Variants in TMEM63C observed in about 807,000 individuals in gnomAD.
The protein encoded by TMEM63C is transmembrane protein 63C.
TMEM63C carries 32 observed loss-of-function variants against 99.2 expected under a neutral mutation model. That is an observed-to-expected ratio of 0.32 (90% CI 0.24 to 0.43). The LOEUF is 0.43. Among genes scored for constraint, TMEM63C ranks in the 20% least tolerant of loss-of-function variants. The pLI, the probability that TMEM63C is intolerant of heterozygous loss-of-function variation, is 1.00. For missense variants in TMEM63C, 826 were observed against 1,053.0 expected (o/e 0.78, Z 2.98); for synonymous variants, 376 against 397.9 (o/e 0.94, Z 0.66).
At chr14:77,194,348 G>A (rs1482741624) in intron 1 of TMEM63C, among the ~76,000 whole-genome samples, 3 of 101,324 alleles carry the variant, frequency 3.0e-5, no homozygotes, top group African/African-American at 4.6e-5. Context: ...GTGTGTGTGT[G>A]TGTGTGTGTG....
intron 2 of TMEM63C, among the ~76,000 whole-genome samples, chr14:77,215,969 A>G (rs570093800): frequency 6.6e-6 from 1 of 152,228 alleles, no homozygotes; most frequent in Non-Finnish European, 1.5e-5. Context: ...TTCTCTCTGG[A>G]GCCTATTCCA....
rs146589957 is a variant in TMEM63C, at chr14:77,243,158, G to C, written c.1341+102G>C. ...GAGCCCCCTGGGAGGGGGCTGTGGA[G>C]CCCATACAGTGCGAACATTGTGGAG... On this transcript the variant is annotated intron_variant, in intron 15 of 23. Transcript: ENST00000298351. 5.2e-5 allele frequency: 71 copies of C among 1,376,146 alleles called. No individual in the cohort carries two copies. In the African/African-American group the frequency reaches 9.3e-4, roughly 18 times the overall value. The allele number at this position is 1,376,146 out of a possible 1,614,324, so 85.2% of individuals were successfully genotyped here.
chr14:77,221,458 CCCTCCCACTCACG>C lies in TMEM63C; in HGVS notation c.312+1379_312+1391del, dbSNP rs1347236910. ...CCCACTCACCTCCCACTCACACCTC[CCCTCCCACTCACG>C]CCTCCCATTCACGCCTCCCCTCCTA... On this transcript the variant is annotated intron_variant, in intron 5 of 23. Transcript: ENST00000298351. Among the ~76,000 whole-genome samples, 60 of 61,026 alleles carry C rather than the reference CCCTCCCACTCACG, an allele frequency of 9.8e-4. 2 individuals are homozygous for C. The highest frequency in any genetic ancestry group is 1.5e-3 in the Non-Finnish European group (49 of 33,180). The allele number at this position is 61,026 out of a possible 152,430, so 40.0% of individuals were successfully genotyped here.
chr14:77,207,204 G>A (rs1420777969), intron 1 of TMEM63C, among the ~76,000 whole-genome samples: 1 of 152,246 alleles, frequency 6.6e-6, no homozygotes, highest in Non-Finnish European at 1.5e-5. Context: ...AGGCATCTCT[G>A]TGGGGGTCCC....
At chr14:77,203,533 A>C (rs1049025261) in intron 1 of TMEM63C, among the ~76,000 whole-genome samples, 6 of 152,212 alleles carry the variant, frequency 3.9e-5, no homozygotes, top group Non-Finnish European at 7.4e-5. Context: ...AGCATTCTCC[A>C]TGTGCCGTCT....
At position 77,236,682 on chromosome 14, in the gene TMEM63C, A is replaced by C. The variant is rs898986379; in HGVS notation, c.601A>C (p.Met201Leu). 6.2e-7 allele frequency: 1 copy of C among 1,612,600 alleles called. No homozygotes were observed. Among genetic ancestry groups the C allele is most frequent in the African/African-American group, 1.3e-5 (1 of 74,658 alleles). ...CTTCTTCTACTTCATCACCAACTTCATGTTCATGGCTCATCACTGCCTGGG... is the reference window on the plus strand; with the variant it reads ...CTTCTTCTACTTCATCACCAACTTCCTGTTCATGGCTCATCACTGCCTGGG... ...LSFFYFITNF[M>L]FMAHHCLGFA... Residue 201 changes from methionine to leucine, a missense_variant, in exon 9 of 24, where the codon ATG (methionine) becomes CTG (leucine). Met to Leu is a conservative substitution (Grantham distance 15). Transcript: ENST00000298351.
chr14:77,231,760 G>A, intron 7 of TMEM63C, 30 bp downstream of exon 7: 1 of 1,550,748 alleles, frequency 6.4e-7, no homozygotes. Context: ...CCCTGGGGCA[G>A]CAGCTGGACC....
intron 5 of TMEM63C, among the ~76,000 whole-genome samples, chr14:77,224,707 C>G (rs1241072032): frequency 1.3e-5 from 2 of 152,146 alleles, no homozygotes; most frequent in Non-Finnish European, 2.9e-5. Context: ...CGGACAGGAC[C>G]CTCAGCACAT....
At chr14:77,203,570 G>A (rs1444097750) in intron 1 of TMEM63C, among the ~76,000 whole-genome samples, 3 of 152,178 alleles carry the variant, frequency 2.0e-5, no homozygotes, top group African/African-American at 7.2e-5. Flanking sequence ...GCCTGGCCAT[G>A]CACCCATTGT....
At chr14:77,188,242 A>G (rs1218428805) in intron 1 of TMEM63C, among the ~76,000 whole-genome samples, 1 of 152,166 alleles carries the variant, frequency 6.6e-6, no homozygotes, top group Non-Finnish European at 1.5e-5. Flanking sequence ...CTTTGAGTCT[A>G]TCTCTTCTGC....
At chr14:77,248,014 C>T (rs1889293159) in intron 18 of TMEM63C, among the ~76,000 whole-genome samples, 1 of 152,184 alleles carries the variant, frequency 6.6e-6, no homozygotes, top group East Asian at 1.9e-4. Flanking sequence ...CAGAAACCCA[C>T]TCATGGATTC....
chr14:77,219,515 C>T lies in TMEM63C; in HGVS notation c.168C>T (p.Tyr56=). ...GCCTGTAGCTCGTCCTTGTGGTTTA[C>T]TCCTTCCTCCGGAAAGCTGCGTGGG... The part of the protein sequence containing the change: ...IALWVLVLVV[Y]SFLRKAAWDY... Residue 56 remains tyrosine, a synonymous_variant, in exon 4 of 24, where the codon TAC becomes TAT. Coordinates refer to ENST00000298351, the MANE Select transcript of TMEM63C (RefSeq NM_020431.4). The T allele has an allele frequency of 6.2e-7, 1 of 1,613,996 alleles. No homozygotes were observed. The highest frequency in any genetic ancestry group is 8.5e-7 in the Non-Finnish European group (1 of 1,179,900).
chr14:77,258,131 G>C lies in TMEM63C; in HGVS notation c.*1405G>C, dbSNP rs1046041304. 3.9e-5 allele frequency: 6 copies of C among 152,580 alleles called. No individual in the cohort carries two copies. The highest frequency in any genetic ancestry group is 1.4e-4 in the African/African-American group (6 of 41,470). 9.5% of individuals were successfully genotyped at this position (152,580 alleles called of 1,614,324 possible). A position where few individuals can be genotyped will look rare whatever the true frequency, so the allele number is the denominator to read the frequency against. On this transcript the variant is annotated 3_prime_UTR_variant, in exon 24 of 24. Transcript: ENST00000298351. ...CCCAGCCAGGGAGGACATGAGAAGG[G>C]CCAGTGGGGGCCTCAATGAACCAGA...
At chr14:77,187,698 G>A (rs913290076) in intron 1 of TMEM63C, among the ~76,000 whole-genome samples, 2 of 152,236 alleles carry the variant, frequency 1.3e-5, no homozygotes, top group South Asian at 2.1e-4. Flanking sequence ...GACCATCGCA[G>A]CCCTGATCTG....
rs58469877 is a variant in TMEM63C at position 77,193,978 on chromosome 14, C to T, written c.-77+12084C>T. On this transcript the variant is annotated intron_variant, in intron 1 of 23. Coordinates refer to ENST00000298351, the MANE Select transcript of TMEM63C (RefSeq NM_020431.4). ...TCGTACCACTGCACTCCAGCCTGGG[C>T]AACAGAGTATGACGCTGTCTCAAAA... Among the ~76,000 whole-genome samples, 1,322 of 152,172 alleles carry T rather than the reference C, an allele frequency of 8.7e-3. 25 individuals carry two copies. Among genetic ancestry groups the T allele is most frequent in the African/African-American group, 0.031 (1,292 of 41,498 alleles).
chr14:77,193,178 C>CT (rs949805094), intron 1 of TMEM63C, among the ~76,000 whole-genome samples: 15 of 152,188 alleles, frequency 9.9e-5, no homozygotes, highest in African/African-American at 3.6e-4. Flanking sequence ...ATACGTCTGT[C>CT]TTTTTTGACA....
chr14:77,182,458 C>T (rs1457974957), intron 1 of TMEM63C, among the ~76,000 whole-genome samples: 1 of 152,220 alleles, frequency 6.6e-6, no homozygotes, highest in Non-Finnish European at 1.5e-5. Context: ...CCTACTCGCC[C>T]TGGCCTTGAG....
intron 1 of TMEM63C, among the ~76,000 whole-genome samples, chr14:77,182,999 G>A (rs1197270337): frequency 6.6e-6 from 1 of 152,072 alleles, no homozygotes; most frequent in African/African-American, 2.4e-5. Flanking sequence ...TCTCTCTCCG[G>A]CCCCTGTCCC....
intron 1 of TMEM63C, among the ~76,000 whole-genome samples, chr14:77,192,164 C>T (rs1469845700): frequency 2.0e-5 from 3 of 152,198 alleles, no homozygotes; most frequent in East Asian, 1.9e-4. Context: ...CTTTCACTTT[C>T]CACCTATGTG....
Sources: gnomAD v4.1 joint callset for allele counts (sites outside exome capture counted in the v4.1 genomes callset) on GRCh38, gnomAD v4.1.1 for gene constraint, MANE v1.5 for transcripts, NCBI Gene and HGNC (gene_info 2026-07-23, HGNC 2026-07-21) for gene names.